Variants in CFAP161 observed in about 807,000 individuals in gnomAD.
CFAP161 encodes cilia and flagella associated protein 161.
A neutral mutation model predicts 29.0 loss-of-function variants in CFAP161; 25 were observed. The ratio of observed to expected loss-of-function variants is 0.86; its 90% CI spans 0.63 to 1.20. CFAP161 has a LOEUF of 1.20. CFAP161 is among the 50% of genes most tolerant of loss of function. The probability of loss-of-function intolerance (pLI) is 0.00; values close to 1 mark genes in which losing one functional copy is unlikely to be tolerated. For synonymous variants in CFAP161, 116 were observed against 137.4 expected (o/e 0.84, Z 1.09); for missense variants, 367 against 371.9 (o/e 0.99, Z 0.11).
intron 2 of CFAP161, among the ~76,000 whole-genome samples, chr15:81,135,924 G>T (rs1311887024): frequency 6.6e-6 from 1 of 152,074 alleles, no homozygotes; most frequent in East Asian, 1.9e-4. Context: ...CCATTACTGG[G>T]TATATACCCA....
chr15:81,125,956 G>A (rs748930299), intron 1 of CFAP161, among the ~76,000 whole-genome samples: 2 of 152,098 alleles, frequency 1.3e-5, no homozygotes, highest in East Asian at 1.9e-4. Flanking sequence ...TGCAACCTCC[G>A]TCTCCCGGGT....
upstream of CFAP161, among the ~76,000 whole-genome samples, chr15:81,133,606 G>T (rs978508611): frequency 6.6e-6 from 1 of 151,964 alleles, no homozygotes; most frequent in African/African-American, 2.4e-5. Context: ...TTTTATTAAT[G>T]CTGGCTACAG....
At chr15:81,142,932 A>G (rs1234081638) in intron 4 of CFAP161, among the ~76,000 whole-genome samples, 1 of 152,190 alleles carries the variant, frequency 6.6e-6, no homozygotes, top group East Asian at 1.9e-4. Context: ...AAGGCTCACA[A>G]ATGAATATCA....
chr15:81,101,449 C>T (rs1894302300), intron 1 of CFAP161, among the ~76,000 whole-genome samples: 1 of 143,790 alleles, frequency 7.0e-6, no homozygotes. Flanking sequence ...ATCACTTGAA[C>T]CCGGGAGGTG....
chr15:81,148,325 T>A lies in CFAP161; in HGVS notation c.711-13T>A, dbSNP rs1180325493. 6.3e-7 allele frequency: 1 copy of A among 1,597,046 alleles called. No individual in the cohort carries two copies. The highest frequency in any genetic ancestry group is 2.2e-5 in the East Asian group (1 of 44,514). On this transcript the variant is annotated splice_polypyrimidine_tract_variant and intron_variant, in intron 6 of 6. Coordinates refer to ENST00000286732, the MANE Select transcript of CFAP161 (RefSeq NM_173528.4). ...TTCAATTTCAAACCACAACTGATTC[T>A]CTCTTGCTCCAGCACCTATTTTGGA...
chr15:81,101,094 T>C (rs1307245785), intron 1 of CFAP161, among the ~76,000 whole-genome samples: 1 of 152,216 alleles, frequency 6.6e-6, no homozygotes, highest in Admixed American at 6.5e-5. Flanking sequence ...CAATCCAGCC[T>C]TCCTTCTGTG....
chr15:81,124,646 C>T (rs976524607), intron 1 of CFAP161, among the ~76,000 whole-genome samples: 1 of 151,960 alleles, frequency 6.6e-6, no homozygotes, highest in Admixed American at 6.6e-5. Context: ...TGCTCCTGGG[C>T]TTTTTTTGGT....
chr15:81,111,090 T>C (rs140104611), intron 1 of CFAP161, among the ~76,000 whole-genome samples: 14 of 152,360 alleles, frequency 9.2e-5, no homozygotes, highest in Non-Finnish European at 1.6e-4. Context: ...GTCTGCTTTT[T>C]CAAAGGACTG....
intron 2 of CFAP161, 123 bp downstream of exon 2, chr15:81,135,482 A>G (rs1894794267): frequency 4.0e-6 from 2 of 504,912 alleles, no homozygotes; most frequent in Non-Finnish European, 3.5e-6. Context: ...GTCATTTAAC[A>G]TTAGGTATAT....
At chr15:81,113,799 C>T (rs1005745347) in intron 1 of CFAP161, among the ~76,000 whole-genome samples, 2 of 152,192 alleles carry the variant, frequency 1.3e-5, no homozygotes, top group Non-Finnish European at 2.9e-5. Flanking sequence ...CAGCCCCTCA[C>T]CTTTCTTCTT....
At chr15:81,145,166 C>T (rs933457656) in intron 5 of CFAP161, among the ~76,000 whole-genome samples, 3 of 152,220 alleles carry the variant, frequency 2.0e-5, no homozygotes, top group Non-Finnish European at 2.9e-5. Flanking sequence ...TGAGTCCACC[C>T]GATGCAGCAT....
chr15:81,132,278 G>T (rs923336238), upstream of CFAP161, among the ~76,000 whole-genome samples: 1 of 151,960 alleles, frequency 6.6e-6, no homozygotes, highest in African/African-American at 2.4e-5. Flanking sequence ...CTCTGTCTTG[G>T]AAGAAAAAGA....
chr15:81,130,937 AT>A (rs1411472224), upstream of CFAP161, among the ~76,000 whole-genome samples: 1 of 152,276 alleles, frequency 6.6e-6, no homozygotes, highest in East Asian at 1.9e-4. Context: ...CCCATGGTTC[AT>A]GGTGCCCCAA....
rs375383984 is a variant in CFAP161 at position 81,148,502 on chromosome 15, T to C, written c.875T>C (p.Met292Thr). 1.2e-5 allele frequency: 19 copies of C among 1,614,062 alleles called. No individual in the cohort carries two copies. Among genetic ancestry groups the C allele is most frequent in the Middle Eastern group, 3.3e-4 (2 of 6,084 alleles). ...PKPPTEDTRA[M>T]EQAMGLDTQ The stretch of plus-strand genomic sequence containing the variant: ...CCACCCACAGAGGACACTCGAGCCA[T>C]GGAGCAGGCCATGGGCCTTGACACG... Residue 292 changes from methionine to threonine, a missense_variant, in exon 7 of 7, where the codon ATG becomes ACG. Met to Thr is a moderately conservative substitution (Grantham distance 81). Coordinates refer to ENST00000286732, the MANE Select transcript of CFAP161 (RefSeq NM_173528.4).
At chr15:81,137,460 G>C (rs572858705) in intron 3 of CFAP161, among the ~76,000 whole-genome samples, 1 of 152,154 alleles carries the variant, frequency 6.6e-6, no homozygotes, top group South Asian at 2.1e-4. Flanking sequence ...GCTGGGCGTG[G>C]TGGCAGGCTC....
At chr15:81,119,006 A>G (rs1478258719) in intron 1 of CFAP161, among the ~76,000 whole-genome samples, 1 of 152,202 alleles carries the variant, frequency 6.6e-6, no homozygotes, top group African/African-American at 2.4e-5. Flanking sequence ...GCTTAGTTTC[A>G]TGTATTTTGT....
chr15:81,132,490 T>C (rs1405465154), upstream of CFAP161, among the ~76,000 whole-genome samples: 1 of 152,208 alleles, frequency 6.6e-6, no homozygotes, highest in Non-Finnish European at 1.5e-5. Flanking sequence ...AAAGCAGTAA[T>C]TTGTGTTCAT....
At chr15:81,102,880 G>T (rs1177370418) in intron 1 of CFAP161, among the ~76,000 whole-genome samples, 1 of 152,122 alleles carries the variant, frequency 6.6e-6, no homozygotes, top group African/African-American at 2.4e-5. Flanking sequence ...TGGAAGGGAA[G>T]AATTTGATCT....
chr15:81,126,430 A>G (rs1894642629), intron 1 of CFAP161, among the ~76,000 whole-genome samples: 1 of 152,230 alleles, frequency 6.6e-6, no homozygotes, highest in Non-Finnish European at 1.5e-5. Context: ...TATAAGAAAA[A>G]TGAAATCTCC....
Sources: gnomAD v4.1 joint callset for allele counts (sites outside exome capture counted in the v4.1 genomes callset) on GRCh38, gnomAD v4.1.1 for gene constraint, MANE v1.5 for transcripts, NCBI Gene and HGNC (gene_info 2026-07-23, HGNC 2026-07-21) for gene names.